UGT2B7: variants seen among roughly 807,000 people sequenced by gnomAD.
The protein encoded by UGT2B7 is UDP-glucuronosyltransferase 2B7.
In UGT2B7, 51 loss-of-function variants were observed where a neutral mutation model predicts 51.9. That is an observed-to-expected ratio of 0.98 (90% CI 0.78 to 1.24). UGT2B7 has a LOEUF of 1.24. UGT2B7 is among the 50% of genes most tolerant of loss of function. The pLI, the probability that UGT2B7 is intolerant of heterozygous loss-of-function variation, is 0.00. For synonymous variants in UGT2B7, 225 were observed against 211.6 expected, an observed-to-expected ratio of 1.06 and a Z score of -0.55; for missense variants, 727 against 628.4, an observed-to-expected ratio of 1.16 and a Z score of -1.68.
intron 1 of UGT2B7, among the ~76,000 whole-genome samples, chr4:69,055,397 C>T (rs1249594310): frequency 6.7e-6 from 1 of 148,374 alleles, no homozygotes; most frequent in Non-Finnish European, 1.5e-5. Flanking sequence ...GGAGCTGCAA[C>T]CTTTTAAAAT....
chr4:69,103,085 G>A, intron 3 of UGT2B7, 147 bp downstream of exon 3: 2 of 1,421,238 alleles, frequency 1.4e-6, no homozygotes, highest in Middle Eastern at 2.0e-4. Flanking sequence ...GAAACTATGA[G>A]AAGTTTGAAA....
chr4:69,098,553 A>C lies in UGT2B7; in HGVS notation c.735A>C (p.Thr245=). Reference sequence around the variant, plus strand: ...TATTCCTGTCAGGAAGACCCACTACATTATCTGAGACAATGGGGAAAGCTG... The same window carrying C: ...TATTCCTGTCAGGAAGACCCACTACCTTATCTGAGACAATGGGGAAAGCTG... ...FYSEVLGRPT[T]LSETMGKADV... is the part of the protein sequence containing the mutation. The change falls in exon 2 of 6, where the codon ACA becomes ACC. Residue 245 remains threonine (T), a synonymous_variant. Transcript: ENST00000305231. 6.2e-7 allele frequency: 1 copy of C among 1,605,320 alleles called. No individual in the cohort carries two copies. Among genetic ancestry groups the C allele is most frequent in the Non-Finnish European group, 8.5e-7 (1 of 1,177,492 alleles).
intron 1 of UGT2B7, among the ~76,000 whole-genome samples, chr4:69,087,560 A>G (rs1718989703): frequency 6.6e-6 from 1 of 151,986 alleles, no homozygotes; most frequent in Non-Finnish European, 1.5e-5. Context: ...TTCTTATTAC[A>G]TGTGAGTGTC....
intron 1 of UGT2B7, among the ~76,000 whole-genome samples, chr4:69,079,844 T>C (rs1718797319): frequency 6.6e-6 from 1 of 151,366 alleles, no homozygotes; most frequent in Non-Finnish European, 1.5e-5. Flanking sequence ...TTAATAAGGT[T>C]CTTAATCCAA....
At chr4:69,095,104 A>G (rs1416721500), upstream of UGT2B7, among the ~76,000 whole-genome samples, 1 of 152,220 alleles carries the variant, frequency 6.6e-6, no homozygotes, top group East Asian at 1.9e-4. Context: ...TATAGGACCA[A>G]CAGTTTCATA....
At chr4:69,104,333 A>G (rs539245555) in intron 3 of UGT2B7, among the ~76,000 whole-genome samples, 88 of 152,246 alleles carry the variant, frequency 5.8e-4, no homozygotes, top group African/African-American at 1.9e-3. Flanking sequence ...TAGAAGTCTT[A>G]TTTTTATAAA....
Position 69,075,827 on chromosome 4 carries a change from T to C in UGT2B7, c.-158-13645T>C, listed in dbSNP as rs780326731. Among the ~76,000 whole-genome samples the C allele has an allele frequency of 9.8e-5, 15 of 152,294 alleles. 1 individual carries two copies. The South Asian group carries it at 1.0e-3, about 11-fold the overall frequency. The stretch of plus-strand genomic sequence containing the variant: ...TAAGTTCTGGGCTACATGTGCAAAA[T>C]GTGCAGGATTGCTACATAGGTATAC... On this transcript the variant is annotated intron_variant, in intron 1 of 5. Transcript: ENST00000502942.
upstream of UGT2B7, among the ~76,000 whole-genome samples, chr4:69,093,846 GTTGTTTCC>G (rs147846895): frequency 1.3e-5 from 2 of 152,308 alleles, no homozygotes; most frequent in East Asian, 3.9e-4. Flanking sequence ...TGTGGATCAA[GTTGTTTCC>G]TTAAATAGTC....
At chr4:69,094,503 T>C (rs1719167874), upstream of UGT2B7, among the ~76,000 whole-genome samples, 1 of 152,208 alleles carries the variant, frequency 6.6e-6, no homozygotes, top group Non-Finnish European at 1.5e-5. Flanking sequence ...ATATTAAGTC[T>C]GCAATAATAT....
chr4:69,052,179 G>A (rs1718037231), intron 1 of UGT2B7, among the ~76,000 whole-genome samples: 1 of 152,018 alleles, frequency 6.6e-6, no homozygotes, highest in Non-Finnish European at 1.5e-5. Context: ...CAGGTCCCTT[G>A]TTTCAAAGGT....
intron 3 of UGT2B7, 91 bp from the exon 4 acceptor site, chr4:69,107,084 C>T: frequency 7.3e-7 from 1 of 1,370,352 alleles, no homozygotes; most frequent in Non-Finnish European, 1.0e-6. Context: ...ACTAACATCC[C>T]TTGATCTCAT....
chr4:69,086,760 T>C (rs2109876916), intron 1 of UGT2B7, among the ~76,000 whole-genome samples: 1 of 152,056 alleles, frequency 6.6e-6, no homozygotes, highest in East Asian at 1.9e-4. Context: ...TTAAAATATA[T>C]TTTAACTAAG....
In UGT2B7 at chr4:69,054,483, A is replaced by G. The variant is rs1406504267; in HGVS notation, c.-159+2881A>G. 7.7e-4 allele frequency among the ~76,000 whole-genome samples: 117 copies of G among 152,210 alleles called. 1 individual carries two copies. Among genetic ancestry groups the G allele is most frequent in the Non-Finnish European group, 5.9e-5 (4 of 68,044 alleles). On this transcript the variant is annotated intron_variant, in intron 1 of 5. Transcript: ENST00000502942. ...CTAATAAATGTTACACTAAGTAGATACCAAAGCTTGCTCTGTGAAAATCCC... is the reference window on the plus strand; with the variant it reads ...CTAATAAATGTTACACTAAGTAGATGCCAAAGCTTGCTCTGTGAAAATCCC...
intron 1 of UGT2B7, among the ~76,000 whole-genome samples, chr4:69,070,800 A>G (rs768538896): frequency 2.0e-5 from 3 of 152,076 alleles, no homozygotes; most frequent in African/African-American, 4.8e-5. Flanking sequence ...TCTAGGACAA[A>G]TCCATGACAT....
intron 1 of UGT2B7, among the ~76,000 whole-genome samples, chr4:69,081,941 C>G (rs910611618): frequency 9.2e-5 from 14 of 152,072 alleles, no homozygotes; most frequent in Non-Finnish European, 1.6e-4. Flanking sequence ...TGCAAGTCTA[C>G]TGACATAATT....
chr4:69,087,751 T>C (rs192024879), intron 1 of UGT2B7, among the ~76,000 whole-genome samples: 1 of 152,118 alleles, frequency 6.6e-6, no homozygotes. Flanking sequence ...AATGTATATC[T>C]TATTGTCTTC....
Position 69,108,115 on chromosome 4 carries a change from C to G in UGT2B7, c.1103C>G (p.Thr368Ser). ...CATCCAATCCTAGGTCATCCAAAGACCAGAGCTTTTATAACTCATGGTGGA... is the reference window on the plus strand; with the variant it reads ...CATCCAATCCTAGGTCATCCAAAGAGCAGAGCTTTTATAACTCATGGTGGA... ...PQNDLLGHPK[T>S]RAFITHGGAN... is the part of the protein sequence containing the mutation. The change falls in exon 5 of 6, where the codon ACC becomes AGC. Residue 368 changes from threonine to serine, a missense_variant. Physicochemically the swap from Thr to Ser is moderately conservative, Grantham distance 58 (BLOSUM62 1). Coordinates refer to ENST00000305231, the MANE Select transcript of UGT2B7 (RefSeq NM_001074.4). The G allele has an allele frequency of 6.2e-7, 1 of 1,613,486 alleles. No individual in the cohort carries two copies. The highest frequency in any genetic ancestry group is 8.5e-7 in the Non-Finnish European group (1 of 1,179,570).
intron 1 of UGT2B7, among the ~76,000 whole-genome samples, chr4:69,062,285 C>T (rs1344459916): frequency 2.0e-5 from 3 of 152,092 alleles, no homozygotes; most frequent in Non-Finnish European, 4.4e-5. Flanking sequence ...CAGCCAGCCA[C>T]CCCCAATCAT....
At chr4:69,068,755 G>A (rs4694160) in intron 1 of UGT2B7, among the ~76,000 whole-genome samples, 65,012 of 151,510 alleles carry the variant, frequency 0.43, 15,485 homozygotes, top group African/African-American at 0.64. Context: ...TACCTCCATT[G>A]CTATTGCTAC....
Sources: allele counts gnomAD v4.1 joint callset (sites outside exome capture counted in the v4.1 genomes callset), GRCh38; gene constraint gnomAD v4.1.1; transcripts MANE v1.5; gene names NCBI Gene and HGNC (gene_info 2026-07-23, HGNC 2026-07-21).